The following FAR2 variants were observed in gnomAD, a reference collection of about 807,000 sequenced individuals.
FAR2 encodes the protein fatty acyl-CoA reductase 2, also known as epididymis secretory protein Li 81.
A neutral mutation model predicts 56.0 loss-of-function variants in FAR2; 19 were observed. The observed-to-expected ratio is 0.34, with a 90% CI of 0.24 to 0.50. FAR2 has a LOEUF of 0.50. FAR2 is among the 20% of genes least tolerant of loss of function. The probability of loss-of-function intolerance (pLI) is 0.98; values close to 1 mark genes in which losing one functional copy is unlikely to be tolerated. For synonymous variants in FAR2, 219 were observed against 218.8 expected, an observed-to-expected ratio of 1.00 and a Z score of -0.01; for missense variants, 508 against 642.2, an observed-to-expected ratio of 0.79 and a Z score of 2.26.
At chr12:29,284,962 C>T (rs78584962) in intron 2 of FAR2, among the ~76,000 whole-genome samples, 24,505 of 151,944 alleles carry the variant, frequency 0.16, 2,150 homozygotes, top group Middle Eastern at 0.28. Flanking sequence ...CTGCCTTAGC[C>T]TCCCGAGTAG....
chr12:29,272,543 A>C (rs1342207010), intron 2 of FAR2, among the ~76,000 whole-genome samples: 1 of 152,172 alleles, frequency 6.6e-6, no homozygotes, highest in Non-Finnish European at 1.5e-5. Flanking sequence ...ACTTTTTATC[A>C]AGATTCTTAG....
intron 3 of FAR2, among the ~76,000 whole-genome samples, chr12:29,294,955 TTAAAC>T (rs1949034266): frequency 6.6e-6 from 1 of 152,234 alleles, no homozygotes; most frequent in Admixed American, 6.5e-5. Flanking sequence ...TATAAAGCTC[TTAAAC>T]TAAATTTCAG....
At chr12:29,302,263 G>A (rs1013541597) in intron 4 of FAR2, among the ~76,000 whole-genome samples, 15 of 133,428 alleles carry the variant, frequency 1.1e-4, no homozygotes, top group South Asian at 2.3e-4. Context: ...AAAAAAAAAA[G>A]GTGCTTTCTT....
chr12:29,188,421 T>C (rs1287970059), intron 1 of FAR2, among the ~76,000 whole-genome samples: 1 of 152,176 alleles, frequency 6.6e-6, no homozygotes, highest in Non-Finnish European at 1.5e-5. Context: ...GCAGCCTTTT[T>C]TTAAAAGTTT....
At chr12:29,225,886 T>C (rs547042454) in intron 1 of FAR2, among the ~76,000 whole-genome samples, 1 of 152,196 alleles carries the variant, frequency 6.6e-6, no homozygotes, top group East Asian at 1.9e-4. Context: ...AAGGTGAAAG[T>C]GCATGCTCTT....
At chr12:29,212,448 C>A (rs1037264453) in intron 1 of FAR2, among the ~76,000 whole-genome samples, 3 of 152,144 alleles carry the variant, frequency 2.0e-5, no homozygotes, top group African/African-American at 7.2e-5. Context: ...TGTTTTAAAT[C>A]TTCTATACTT....
At chr12:29,175,369 C>T (rs1949927574) in intron 1 of FAR2, among the ~76,000 whole-genome samples, 1 of 152,160 alleles carries the variant, frequency 6.6e-6, no homozygotes, top group African/African-American at 2.4e-5. Context: ...CTTCCTTCTG[C>T]TGGGTTCATG....
chr12:29,179,894 C>T (rs1591834569), intron 1 of FAR2, among the ~76,000 whole-genome samples: 1 of 152,112 alleles, frequency 6.6e-6, no homozygotes, highest in Admixed American at 6.5e-5. Flanking sequence ...TGACTACTTC[C>T]AAGAGGAGAA....
rs1259547867 is a variant in FAR2, at chr12:29,307,769, C to T, written c.657C>T (p.Ser219=). The T allele has an allele frequency of 6.2e-7, 1 of 1,613,358 alleles. No individual in the cohort carries two copies. Among genetic ancestry groups the T allele is most frequent in the Non-Finnish European group, 8.5e-7 (1 of 1,179,894 alleles). ...ALGEMVVQQE[S]RNLNIAIIRP... is the part of the protein sequence containing the mutation. ...GAGAAATGGTGGTGCAGCAAGAGAG[C>T]AGGAACCTGAACATTGCCATCATAA... The change falls in exon 5 of 12, where the codon AGC becomes AGT. Residue 219 remains serine, a synonymous_variant. Coordinates refer to ENST00000536681, the MANE Select transcript of FAR2 (RefSeq NM_001271783.2).
intron 1 of FAR2, among the ~76,000 whole-genome samples, chr12:29,185,637 T>A (rs939887893): frequency 1.3e-5 from 2 of 152,194 alleles, no homozygotes; most frequent in African/African-American, 4.8e-5. Flanking sequence ...TGTAGAATCA[T>A]AAAAATTCAG....
intron 2 of FAR2, among the ~76,000 whole-genome samples, chr12:29,272,145 T>C (rs1948629310): frequency 1.3e-5 from 2 of 152,196 alleles, no homozygotes; most frequent in African/African-American, 4.8e-5. Context: ...CTTAATGGTG[T>C]TCTCTGTTTT....
chr12:29,320,343 T>C (rs1457377706), intron 9 of FAR2, among the ~76,000 whole-genome samples: 3 of 152,254 alleles, frequency 2.0e-5, no homozygotes, highest in African/African-American at 7.2e-5. Flanking sequence ...AATAAATGTA[T>C]TGAAATCATA....
intron 7 of FAR2, 82 bp from the exon 8 acceptor site, chr12:29,311,797 CTCTG>C (rs1250142066): frequency 4.1e-6 from 4 of 964,922 alleles, no homozygotes; most frequent in Middle Eastern, 3.4e-4. Context: ...ACTGAAACCA[CTCTG>C]TCTAAATATT....
At chr12:29,312,593 G>A (rs1949372337) in intron 8 of FAR2, among the ~76,000 whole-genome samples, 1 of 152,098 alleles carries the variant, frequency 6.6e-6, no homozygotes, top group African/African-American at 2.4e-5. Context: ...CTTGATGCTT[G>A]GTGAAACAGA....
intron 10 of FAR2, among the ~76,000 whole-genome samples, chr12:29,324,566 C>T (rs1236604078): frequency 6.6e-6 from 1 of 152,190 alleles, no homozygotes; most frequent in Non-Finnish European, 1.5e-5. Context: ...AGAAACTCTA[C>T]AAGCCAGAAG....
At chr12:29,232,412 A>G (rs763006220) in intron 1 of FAR2, among the ~76,000 whole-genome samples, 1 of 151,668 alleles carries the variant, frequency 6.6e-6, no homozygotes, top group Non-Finnish European at 1.5e-5. Context: ...TCCCTTCCTC[A>G]TGTTATATTC....
intron 1 of FAR2, among the ~76,000 whole-genome samples, chr12:29,203,049 G>T (rs912125269): frequency 6.6e-6 from 1 of 152,000 alleles, no homozygotes; most frequent in African/African-American, 2.4e-5. Flanking sequence ...ATGCTATTTT[G>T]GTCAACTTAT....
At chr12:29,193,452 G>A (rs559010334) in intron 1 of FAR2, among the ~76,000 whole-genome samples, 2 of 152,008 alleles carry the variant, frequency 1.3e-5, no homozygotes, top group Non-Finnish European at 2.9e-5. Context: ...TTACTGCCTC[G>A]ATAGTTCTGC....
intron 1 of FAR2, chr12:29,156,737 TC>T: frequency 6.6e-6 from 1 of 152,202 alleles, no homozygotes; most frequent in South Asian, 2.1e-4. Context: ...AATTTCTCTG[TC>T]CCCACCTTAA....
Sources: allele counts gnomAD v4.1 joint callset (sites outside exome capture counted in the v4.1 genomes callset), GRCh38; gene constraint gnomAD v4.1.1; transcripts MANE v1.5; gene names NCBI Gene and HGNC (gene_info 2026-07-23, HGNC 2026-07-21).